Variants in ZNF718 observed in about 807,000 individuals in gnomAD.
ZNF718 encodes zinc finger protein 718.
Under a neutral mutation model 2.6 loss-of-function variants are expected in ZNF718, and 3 were observed. The ratio of observed to expected loss-of-function variants is 1.16; its 90% CI spans 0.53 to 3.01. The LOEUF (loss-of-function observed/expected upper bound fraction) is 3.01. ZNF718 is among the 30% of genes most tolerant of loss of function. The pLI, the probability that ZNF718 is intolerant of heterozygous loss-of-function variation, is 0.03. For missense variants in ZNF718, 468 were observed against 230.0 expected (o/e 2.03, Z -6.69); for synonymous variants, 135 against 77.9 (o/e 1.73, Z -3.86).
chr4:192,482 C>T (rs1190889844), intron 3 of ZNF718, among the ~76,000 whole-genome samples: 1 of 152,146 alleles, frequency 6.6e-6, no homozygotes, highest in African/African-American at 2.4e-5. Flanking sequence ...GTGCGGTCAC[C>T]TTCCCCAGCT....
At position 176,134 on chromosome 4, in the gene ZNF718, T is replaced by G. The variant is rs563233329; in HGVS notation, c.227-24947T>G. Among the ~76,000 whole-genome samples the G allele has an allele frequency of 3.3e-5, 5 of 152,238 alleles. No individual in the cohort carries two copies. In the South Asian group the frequency reaches 1.0e-3, roughly 32 times the overall value. On this transcript the variant is annotated intron_variant and NMD_transcript_variant, in intron 3 of 4. Transcript: ENST00000642529. ...TAAGCTCTAATTGCCCACAACCTTTTAGAACTCTGCAGGCAGCTCCACAAG... is the reference window on the plus strand; with the variant it reads ...TAAGCTCTAATTGCCCACAACCTTTGAGAACTCTGCAGGCAGCTCCACAAG...
chr4:181,158 CTTT>C (rs782164295), intron 3 of ZNF718, among the ~76,000 whole-genome samples: 5 of 51,086 alleles, frequency 9.8e-5, no homozygotes, highest in South Asian at 1.9e-3. Context: ...CAGTGCCCAG[CTTT>C]TTTTTTTTTT....
Position 131,523 on chromosome 4 carries a change from G to T in ZNF718, c.226+18G>T, listed in dbSNP as rs1313731683. On this transcript the variant is annotated intron_variant, in intron 3 of 3. Coordinates refer to ENST00000510175, the MANE Select transcript of ZNF718 (RefSeq NM_001039127.6). ...ACCCCCAGGTAGGTGAGAGTGAATG[G>T]AGGAGAGGACACAGACAAGGAGGCC... 5 of 412,138 alleles carry T rather than the reference G, an allele frequency of 1.2e-5. 1 individual carries two copies. The highest frequency in any genetic ancestry group is 2.0e-5 in the Non-Finnish European group (5 of 249,524). The allele number at this position is 412,138 out of a possible 1,614,324, so 25.5% of individuals were successfully genotyped here. A position where few individuals can be genotyped will look rare whatever the true frequency, so the allele number is the denominator to read the frequency against.
At position 162,251 on chromosome 4, in the gene ZNF718, TAAGAG is replaced by T. The variant is rs1418199464; in HGVS notation, c.*132_*136del. On this transcript the variant is annotated 3_prime_UTR_variant, in exon 4 of 4. Transcript: ENST00000510175. ...ACCGCAACTCAATCTGTTCTAAACATAAGAGAAATGGTATTGGTGAGAAGCCATAA... is the reference window on the plus strand; with the variant it reads ...ACCGCAACTCAATCTGTTCTAAACATAAATGGTATTGGTGAGAAGCCATAA... 2.2e-5 allele frequency: 12 copies of T among 540,842 alleles called. No individual in the cohort carries two copies. The highest frequency in any genetic ancestry group is 3.7e-5 in the Non-Finnish European group (11 of 299,932). The allele number at this position is 540,842 out of a possible 1,614,324, so 33.5% of individuals were successfully genotyped here.
At chr4:125,043 T>C (rs915317187) in intron 1 of ZNF718, 5 of 194,686 alleles carry the variant, frequency 2.6e-5, no homozygotes, top group Non-Finnish European at 4.3e-5. Flanking sequence ...ATGGAGTTCA[T>C]GTGAGCAAAC....
At chr4:171,778 C>T (rs908834963) in intron 3 of ZNF718, among the ~76,000 whole-genome samples, 3 of 152,212 alleles carry the variant, frequency 2.0e-5, no homozygotes, top group East Asian at 1.9e-4. Context: ...AATTCCCTGA[C>T]CCGTTGTGCT....
At chr4:145,103 A>T (rs1168554871) in intron 3 of ZNF718, among the ~76,000 whole-genome samples, 1 of 151,300 alleles carries the variant, frequency 6.6e-6, no homozygotes, top group East Asian at 1.9e-4. Context: ...ATAACCTAAT[A>T]GCTTCTTAAG....
intron 3 of ZNF718, among the ~76,000 whole-genome samples, chr4:150,564 T>A (rs1716271707): frequency 6.6e-6 from 1 of 152,176 alleles, no homozygotes; most frequent in Non-Finnish European, 1.5e-5. Flanking sequence ...TTCATCCGTG[T>A]CCTTGCAAAT....
At chr4:171,339 G>T (rs1201473863) in intron 3 of ZNF718, among the ~76,000 whole-genome samples, 2 of 152,176 alleles carry the variant, frequency 1.3e-5, no homozygotes, top group Non-Finnish European at 2.9e-5. Context: ...GTCCAGCTGT[G>T]TGCTGGTAGA....
At chr4:144,742 T>C (rs1553810921) in intron 3 of ZNF718, among the ~76,000 whole-genome samples, 1 of 152,206 alleles carries the variant, frequency 6.6e-6, no homozygotes, top group Non-Finnish European at 1.5e-5. Flanking sequence ...AGTTCATTCC[T>C]GGTATTTAAT....
intron 3 of ZNF718, chr4:150,166 T>G (rs1716253706): frequency 6.6e-6 from 1 of 152,190 alleles, no homozygotes; most frequent in Non-Finnish European, 1.5e-5. Context: ...TTTGTTTTTG[T>G]AAGATATGTC....
chr4:167,137 G>T (rs1331049326), downstream of ZNF718, among the ~76,000 whole-genome samples: 1 of 152,054 alleles, frequency 6.6e-6, no homozygotes, highest in African/African-American at 2.4e-5. Context: ...TTTTTGTCAG[G>T]TTTGTCAAAG....
Position 161,573 on chromosome 4 carries a change from A to G in ZNF718, c.888A>G (p.Ser296=), listed in dbSNP as rs1553815211. ...EECGKAFKWS[S]SLNEHKRIHA... ...GTGGTAAAGCCTTTAAGTGGTCCTC[A>G]TCCCTTAATGAACATAAGAGAATTC... The change falls in exon 4 of 4, where the codon TCA becomes TCG. Residue 296 remains serine (S), a synonymous_variant. Transcript: ENST00000510175. The G allele has an allele frequency of 5.1e-6, 4 of 780,992 alleles. No individual in the cohort carries two copies. The highest frequency in any genetic ancestry group is 9.6e-6 in the Non-Finnish European group (4 of 418,054). 48.4% of individuals were successfully genotyped at this position (780,992 alleles called of 1,614,324 possible). A position where few individuals can be genotyped will look rare whatever the true frequency, so the allele number is the denominator to read the frequency against.
At chr4:169,709 T>C (rs1353989952) in intron 3 of ZNF718, among the ~76,000 whole-genome samples, 1 of 152,064 alleles carries the variant, frequency 6.6e-6, no homozygotes, top group Non-Finnish European at 1.5e-5. Flanking sequence ...GCTTGGTAGA[T>C]CTTCATCCCT....
intron 3 of ZNF718, among the ~76,000 whole-genome samples, chr4:196,062 C>A (rs1717786650): frequency 6.6e-6 from 1 of 152,026 alleles, no homozygotes; most frequent in South Asian, 2.1e-4. Context: ...TCCTCTCTCT[C>A]TCTAACTTAC....
At chr4:151,520 G>C (rs1716322373) in intron 3 of ZNF718, among the ~76,000 whole-genome samples, 1 of 150,498 alleles carries the variant, frequency 6.6e-6, no homozygotes, top group Non-Finnish European at 1.5e-5. Context: ...TGCTCTGATT[G>C]CCCAGGCTGG....
intron 3 of ZNF718, among the ~76,000 whole-genome samples, chr4:158,205 G>T (rs1424600945): frequency 3.3e-5 from 5 of 151,878 alleles, no homozygotes; most frequent in African/African-American, 9.7e-5. Context: ...CCTCTTATTT[G>T]GTTATTTGCA....
rs1214988768 is a variant in ZNF718 at position 189,066 on chromosome 4, T to C, written c.227-12015T>C. ...ACATTGAATCTGTAGATTATTTTTTTTTTTTTTTTTTGAGATGGAGTTTTG... is the reference window on the plus strand; with the variant it reads ...ACATTGAATCTGTAGATTATTTTTTCTTTTTTTTTTTGAGATGGAGTTTTG... On this transcript the variant is annotated intron_variant and NMD_transcript_variant, in intron 3 of 4. Coordinates refer to the ZNF718 transcript ENST00000642529. Among the ~76,000 whole-genome samples, 3 of 150,744 alleles carry C rather than the reference T, an allele frequency of 2.0e-5. No individual in the cohort carries two copies. In the East Asian group the frequency reaches 5.8e-4, roughly 29 times the overall value.
At chr4:156,449 A>G (rs973082061) in intron 3 of ZNF718, among the ~76,000 whole-genome samples, 2 of 152,056 alleles carry the variant, frequency 1.3e-5, no homozygotes. Flanking sequence ...TTCAAAAGCC[A>G]TCATACCTCT....
Sources: gnomAD v4.1 joint callset for allele counts (sites outside exome capture counted in the v4.1 genomes callset) on GRCh38, gnomAD v4.1.1 for gene constraint, MANE v1.5 for transcripts, NCBI Gene and HGNC (gene_info 2026-07-23, HGNC 2026-07-21) for gene names.